Variants in DNAAF11 observed in about 807,000 individuals in gnomAD.
The protein encoded by DNAAF11 is leucine rich repeat containing 6.
A neutral mutation model predicts 60.8 loss-of-function variants in DNAAF11; 45 were observed. That is an observed-to-expected ratio of 0.74 (90% CI 0.58 to 0.95). The LOEUF (loss-of-function observed/expected upper bound fraction) is 0.95, where lower values mean the gene tolerates loss of function less well. Among genes scored for constraint, DNAAF11 ranks in the 40% least tolerant of loss-of-function variants. The pLI is 0.00. For synonymous variants in DNAAF11, 191 were observed against 183.5 expected (o/e 1.04, Z -0.33); for missense variants, 546 against 546.2 (o/e 1.00, Z 0.00).
At chr8:132,591,231 A>G (rs948567516) in intron 10 of DNAAF11, among the ~76,000 whole-genome samples, 5 of 152,234 alleles carry the variant, frequency 3.3e-5, no homozygotes, top group Admixed American at 2.0e-4. Flanking sequence ...ATGAACCCTC[A>G]TTAGCATTAA....
chr8:132,675,431 G>C (rs951421997), intron 1 of DNAAF11, 53 bp downstream of exon 1: 3 of 1,544,112 alleles, frequency 1.9e-6, no homozygotes. Context: ...ACGAGACCCG[G>C]GACTACTTCC....
Position 132,646,860 on chromosome 8 carries a change from T to A in DNAAF11, c.257-8753A>T, listed in dbSNP as rs574342054. On this transcript the variant is annotated intron_variant, in intron 3 of 11. Coordinates refer to ENST00000620350, the MANE Select transcript of DNAAF11 (RefSeq NM_012472.6). ...CTCATAAAGCAAGTCCTTAGAGACC[T>A]ACAAAGAGACTTAGACTCCCACACA... 7.2e-5 allele frequency among the ~76,000 whole-genome samples: 11 copies of A among 152,242 alleles called. No individual in the cohort carries two copies. In the East Asian group the frequency reaches 1.9e-3, roughly 27 times the overall value.
At position 132,610,239 on chromosome 8, in the gene DNAAF11, G is replaced by T; in HGVS notation, c.1067C>A (p.Ala356Glu). 6.2e-7 allele frequency: 1 copy of T among 1,613,688 alleles called. No homozygotes were observed. The change falls in exon 10 of 12, where the codon GCA (alanine) becomes GAA (glutamate). Residue 356 changes from alanine to glutamate, a missense_variant. Physicochemically the swap from Ala to Glu is moderately radical, Grantham distance 107. Transcript: ENST00000620350. Reference protein sequence around the residue: ...KGKPFQLVLPAEVKPDSSSAK... With the variant: ...KGKPFQLVLPEEVKPDSSSAK... ...AGAACTACTATCGGGTTTCACTTCT[G>T]CAGGAAGGACAAGCTGAAATGGCTG...
intron 1 of DNAAF11, among the ~76,000 whole-genome samples, chr8:132,671,023 A>C (rs1296345872): frequency 6.6e-6 from 1 of 152,184 alleles, no homozygotes; most frequent in Non-Finnish European, 1.5e-5. Context: ...CTCTTCCCGT[A>C]AGAATCAGAA....
At chr8:132,600,001 C>T (rs1486648851) in intron 10 of DNAAF11, among the ~76,000 whole-genome samples, 6 of 152,198 alleles carry the variant, frequency 3.9e-5, no homozygotes, top group Admixed American at 3.3e-4. Flanking sequence ...ATGCAGATAA[C>T]ATGATTGTAT....
At chr8:132,592,471 C>G (rs1002931948) in intron 10 of DNAAF11, among the ~76,000 whole-genome samples, 1 of 152,078 alleles carries the variant, frequency 6.6e-6, no homozygotes, top group Non-Finnish European at 1.5e-5. Flanking sequence ...AGTGTATGGG[C>G]TTTAGAAGGG....
chr8:132,573,090 TCAGATATAGATATAGATATAGATA>T (rs1255010850), intron 11 of DNAAF11, among the ~76,000 whole-genome samples: 2 of 148,162 alleles, frequency 1.3e-5, no homozygotes, highest in African/African-American at 5.3e-5. Flanking sequence ...AATATCATGG[TCAGATATAGATATAGATATAGATA>T]CAGATATAGA....
Position 132,615,559 on chromosome 8 carries a change from C to T in DNAAF11, c.915-462G>A, listed in dbSNP as rs573915387. 3.3e-5 allele frequency among the ~76,000 whole-genome samples: 5 copies of T among 152,280 alleles called. No individual in the cohort carries two copies. The South Asian group carries it at 1.0e-3, about 32-fold the overall frequency. On this transcript the variant is annotated intron_variant, in intron 7 of 11. Transcript: ENST00000620350. ...GCTATCTTTTTTCTTCTCCTTTCATCGCTGACCTTTCCATTGCCCTGAAAA... is the reference window on the plus strand; with the variant it reads ...GCTATCTTTTTTCTTCTCCTTTCATTGCTGACCTTTCCATTGCCCTGAAAA...
chr8:132,580,084 A>C (rs1478747093), intron 11 of DNAAF11, among the ~76,000 whole-genome samples: 3 of 152,152 alleles, frequency 2.0e-5, no homozygotes, highest in African/African-American at 7.2e-5. Context: ...CAGAAATAGA[A>C]ATATAAAAAC....
intron 3 of DNAAF11, among the ~76,000 whole-genome samples, chr8:132,655,420 A>C (rs1823447252): frequency 2.0e-5 from 3 of 152,250 alleles, no homozygotes; most frequent in Admixed American, 1.3e-4. Flanking sequence ...TACTATCCAG[A>C]CAGTAAAACC....
intron 2 of DNAAF11, among the ~76,000 whole-genome samples, chr8:132,660,879 T>G (rs2130809870): frequency 6.6e-6 from 1 of 152,338 alleles, no homozygotes; most frequent in South Asian, 2.1e-4. Flanking sequence ...GCAAGCCCAC[T>G]TGGCTGCAAG....
At chr8:132,615,129 G>C (rs780127916) in intron 7 of DNAAF11, 32 bp from the exon 8 acceptor site, 1 of 1,361,362 alleles carries the variant, frequency 7.3e-7, no homozygotes, top group Non-Finnish European at 1.0e-6. Context: ...GGAAAAAAGA[G>C]ATGTCTTTAG....
chr8:132,651,482 G>A (rs1055418106), intron 3 of DNAAF11, among the ~76,000 whole-genome samples: 1 of 151,808 alleles, frequency 6.6e-6, no homozygotes, highest in African/African-American at 2.4e-5. Context: ...CCCCTCCACC[G>A]CCCTTACCAA....
At chr8:132,648,381 T>A (rs559127913) in intron 3 of DNAAF11, among the ~76,000 whole-genome samples, 10 of 152,178 alleles carry the variant, frequency 6.6e-5, no homozygotes, top group Admixed American at 3.3e-4. Flanking sequence ...GAGCTATTTA[T>A]GACACACGCA....
intron 1 of DNAAF11, among the ~76,000 whole-genome samples, chr8:132,665,130 C>T (rs1240185168): frequency 1.3e-5 from 2 of 152,048 alleles, no homozygotes; most frequent in African/African-American, 4.8e-5. Flanking sequence ...TCTAAACTCT[C>T]CTATGACAAG....
chr8:132,601,981 T>G (rs2129741461), intron 10 of DNAAF11, among the ~76,000 whole-genome samples: 1 of 152,180 alleles, frequency 6.6e-6, no homozygotes, highest in Non-Finnish European at 1.5e-5. Context: ...TGACACTAAC[T>G]AAACATGTTA....
chr8:132,591,813 T>G (rs1349133323), intron 10 of DNAAF11, among the ~76,000 whole-genome samples: 1 of 152,138 alleles, frequency 6.6e-6, no homozygotes, highest in Non-Finnish European at 1.5e-5. Context: ...GGTTTTGACA[T>G]ACAACTCTTA....
chr8:132,614,734 T>C (rs1175700636), intron 8 of DNAAF11, among the ~76,000 whole-genome samples: 2 of 152,256 alleles, frequency 1.3e-5, no homozygotes, highest in East Asian at 3.9e-4. Context: ...CAGAGGACTA[T>C]GCCAGCAAAG....
chr8:132,637,789 T>C (rs1489777713), intron 4 of DNAAF11, 146 bp downstream of exon 4: 3 of 603,116 alleles, frequency 5.0e-6, no homozygotes, highest in African/African-American at 1.9e-5. Context: ...ATTAAAGGTC[T>C]AGCCATTCAA....
Sources: allele counts gnomAD v4.1 joint callset (sites outside exome capture counted in the v4.1 genomes callset), GRCh38; gene constraint gnomAD v4.1.1; transcripts MANE v1.5; gene names NCBI Gene and HGNC (gene_info 2026-07-23, HGNC 2026-07-21).